Variants in NUB1 observed in about 807,000 individuals in gnomAD.
The protein encoded by NUB1 is NEDD8 ultimate buster 1.
NUB1 carries 41 observed loss-of-function variants against 77.1 expected under a neutral mutation model. The ratio of observed to expected loss-of-function variants is 0.53; its 90% CI spans 0.41 to 0.69. NUB1 has a LOEUF of 0.69. NUB1 is among the 30% of genes least tolerant of loss of function. The pLI is 0.00. For missense variants in NUB1, 643 were observed against 743.8 expected (o/e 0.86, Z 1.58); for synonymous variants, 257 against 281.0 (o/e 0.91, Z 0.85).
chr7:151,357,316 G>C (rs1797123118), intron 7 of NUB1, among the ~76,000 whole-genome samples: 1 of 151,776 alleles, frequency 6.6e-6, no homozygotes, highest in Non-Finnish European at 1.5e-5. Flanking sequence ...TGGAGACAGG[G>C]TTTTGCTATG....
At chr7:151,376,571 G>A in intron 13 of NUB1, 63 bp from the exon 14 acceptor site, 1 of 1,473,768 alleles carries the variant, frequency 6.8e-7, no homozygotes, top group Admixed American at 2.0e-5. Context: ...CACTCGTATG[G>A]CTGACGGGGG....
At chr7:151,351,244 C>T in intron 3 of NUB1, 180 bp from the exon 4 acceptor site, 1 of 586,962 alleles carries the variant, frequency 1.7e-6, no homozygotes, top group Non-Finnish European at 3.0e-6. Flanking sequence ...TGAGGACGTG[C>T]AGGTCACAGG....
At chr7:151,348,370 G>C (rs2150665399) in intron 2 of NUB1, among the ~76,000 whole-genome samples, 1 of 151,602 alleles carries the variant, frequency 6.6e-6, no homozygotes, top group East Asian at 1.9e-4. Context: ...TGAAAAATTG[G>C]AATATTTTCT....
At chr7:151,349,726 G>A (rs542245480) in intron 3 of NUB1, among the ~76,000 whole-genome samples, 1 of 152,362 alleles carries the variant, frequency 6.6e-6, no homozygotes, top group African/African-American at 2.4e-5. Flanking sequence ...AAGGCACCCA[G>A]AGCCTCTTGG....
Position 151,349,119 on chromosome 7 carries a change from A to T in NUB1, c.164A>T (p.Glu55Val). Residue 55 changes from glutamate (E) to valine (V), a missense_variant, in exon 3 of 15, where the codon GAA becomes GTA. Physicochemically the swap from Glu to Val is moderately radical, Grantham distance 121. Coordinates refer to ENST00000568733, the MANE Select transcript of NUB1 (RefSeq NM_001243351.2). ...YSDRLECCEN[E>V]VEKVIEEIRC... ...GACAGACTAGAATGCTGTGAAAATG[A>T]AGTAGAAAAGGTAATAGAAGAAATA... 1.2e-6 allele frequency: 2 copies of T among 1,613,654 alleles called. No homozygotes were observed. Among genetic ancestry groups the T allele is most frequent in the African/African-American group, 2.7e-5 (2 of 75,004 alleles).
At chr7:151,344,864 G>T (rs544363393) in intron 1 of NUB1, among the ~76,000 whole-genome samples, 11 of 152,202 alleles carry the variant, frequency 7.2e-5, no homozygotes, top group Admixed American at 7.2e-4. Context: ...GCCGGGCGTG[G>T]TGGCGCATGC....
At chr7:151,372,076 A>G (rs1797984912) in intron 11 of NUB1, among the ~76,000 whole-genome samples, 1 of 152,218 alleles carries the variant, frequency 6.6e-6, no homozygotes, top group Non-Finnish European at 1.5e-5. Context: ...CCAGTTTCTC[A>G]TCTGAGAAAA....
rs574976099 is a variant in NUB1 at position 151,342,017 on chromosome 7, G to T, written c.-3+171G>T. 4.1e-6 allele frequency: 5 copies of T among 1,228,446 alleles called. No homozygotes were observed. In the African/African-American group the frequency reaches 4.8e-5, roughly 12 times the overall value. The allele number at this position is 1,228,446 out of a possible 1,614,324, so 76.1% of individuals were successfully genotyped here. The stretch of plus-strand genomic sequence containing the variant: ...CGGGGCCGGGGCCGGGGCCGGGAGC[G>T]GTGGGCCGGGCTTCGGGACGCGCTG... On this transcript the variant is annotated intron_variant, in intron 1 of 14. Transcript: ENST00000568733.
In NUB1 at chr7:151,375,841, G is replaced by T. The variant is rs1798192579; in HGVS notation, c.1396-7G>T. On this transcript the variant is annotated splice_polypyrimidine_tract_variant and splice_region_variant and intron_variant, in intron 12 of 14. Transcript: ENST00000568733. Reference sequence around the variant, plus strand: ...TGATGGGTAAAGGGTGTTCCTGTGTGTTTTAGATTCTGCTCAGCAATCCTC... The same window carrying T: ...TGATGGGTAAAGGGTGTTCCTGTGTTTTTTAGATTCTGCTCAGCAATCCTC... The T allele has an allele frequency of 6.3e-7, 1 of 1,591,174 alleles. No homozygotes were observed. Among genetic ancestry groups the T allele is most frequent in the African/African-American group, 1.3e-5 (1 of 74,502 alleles).
chr7:151,349,167 G>A lies in NUB1; in HGVS notation c.212G>A (p.Gly71Glu). ...ATACGTTGCAAGGCAATTGAGCGTG[G>A]AACAGGAAATGACAATTATAGAACA... ...EEIRCKAIERGTGNDNYRTTG... is the reference protein window; with the variant it reads ...EEIRCKAIERETGNDNYRTTG... The change falls in exon 3 of 15, where the codon GGA (glycine) becomes GAA (glutamate). Residue 71 changes from glycine (G) to glutamate (E), a missense_variant. Coordinates refer to ENST00000568733, the MANE Select transcript of NUB1 (RefSeq NM_001243351.2). 2 of 1,613,660 alleles carry A rather than the reference G, an allele frequency of 1.2e-6. No homozygotes were observed. The highest frequency in any genetic ancestry group is 1.7e-6 in the Non-Finnish European group (2 of 1,179,792).
chr7:151,373,396 C>T (rs1292060398), intron 11 of NUB1, among the ~76,000 whole-genome samples: 1 of 152,154 alleles, frequency 6.6e-6, no homozygotes, highest in African/African-American at 2.4e-5. Context: ...GGGAACTCTC[C>T]TGATTGGCCC....
At chr7:151,375,613 T>G (rs896408756) in intron 12 of NUB1, among the ~76,000 whole-genome samples, 4 of 152,232 alleles carry the variant, frequency 2.6e-5, no homozygotes, top group African/African-American at 4.8e-5. Flanking sequence ...CATCCCTTCC[T>G]GCTCTAACAG....
chr7:151,370,154 C>T (rs1214875821), intron 11 of NUB1, among the ~76,000 whole-genome samples: 2 of 151,364 alleles, frequency 1.3e-5, no homozygotes, highest in African/African-American at 2.4e-5. Flanking sequence ...AGTGCAGTGG[C>T]GTGATCACTG....
intron 1 of NUB1, 199 bp downstream of exon 1, chr7:151,342,045 C>A: frequency 1.0e-6 from 1 of 990,474 alleles, no homozygotes; most frequent in Non-Finnish European, 1.3e-6. Flanking sequence ...ACGCGCTGGC[C>A]GTTCGGGGCC....
chr7:151,342,639 C>T (rs1215802687), intron 1 of NUB1, among the ~76,000 whole-genome samples: 2 of 152,128 alleles, frequency 1.3e-5, no homozygotes, highest in African/African-American at 4.8e-5. Context: ...AAATATGTCG[C>T]CACTTACTCT....
chr7:151,356,294 T>C (rs562109494), intron 7 of NUB1, 72 bp downstream of exon 7: 1 of 1,089,108 alleles, frequency 9.2e-7, no homozygotes, highest in Non-Finnish European at 1.4e-6. Context: ...TTTAGTTGCT[T>C]TATGTTGGAA....
chr7:151,376,687 C>G lies in NUB1; in HGVS notation c.1545C>G (p.Phe515Leu). Residue 515 changes from phenylalanine (F) to leucine (L), a missense_variant, in exon 14 of 15, where the codon TTC (phenylalanine) becomes TTG (leucine). Transcript: ENST00000568733. Reference sequence around the variant, plus strand: ...TGGCCGAAGCTGCGCTGAGAGTGTTCAGAGGCAACGTCCAGCTGGCCGCCC... The same window carrying G: ...TGGCCGAAGCTGCGCTGAGAGTGTTGAGAGGCAACGTCCAGCTGGCCGCCC... ...ALVAEAALRV[F>L]RGNVQLAAQT... 1.9e-6 allele frequency: 3 copies of G among 1,611,090 alleles called. No homozygotes were observed. Among genetic ancestry groups the G allele is most frequent in the East Asian group, 4.5e-5 (2 of 44,784 alleles).
intron 2 of NUB1, among the ~76,000 whole-genome samples, chr7:151,347,934 G>T (rs1237601202): frequency 1.3e-5 from 2 of 152,180 alleles, no homozygotes; most frequent in Non-Finnish European, 2.9e-5. Context: ...GATGTTTAAT[G>T]AAACATTAAC....
chr7:151,358,788 G>A (rs1453188315), intron 7 of NUB1, among the ~76,000 whole-genome samples: 2 of 152,202 alleles, frequency 1.3e-5, no homozygotes, highest in Non-Finnish European at 2.9e-5. Context: ...TTTGGGGCCG[G>A]GCGCGGTGGC....
Sources: gnomAD v4.1 joint callset for allele counts (sites outside exome capture counted in the v4.1 genomes callset) on GRCh38, gnomAD v4.1.1 for gene constraint, MANE v1.5 for transcripts, NCBI Gene and HGNC (gene_info 2026-07-23, HGNC 2026-07-21) for gene names.